Variants in KLRG1 observed in about 807,000 individuals in gnomAD.
KLRG1 encodes the protein killer cell lectin like receptor G1.
Under a neutral mutation model 21.8 loss-of-function variants are expected in KLRG1, and 16 were observed. The ratio of observed to expected loss-of-function variants is 0.73; its 90% CI spans 0.50 to 1.11. The LOEUF is 1.11. KLRG1 is among the 50% of genes most tolerant of loss of function. The pLI, the probability that KLRG1 is intolerant of heterozygous loss-of-function variation, is 0.00. For synonymous variants in KLRG1, 69 were observed against 75.9 expected, an observed-to-expected ratio of 0.91 and a Z score of 0.47; for missense variants, 173 against 218.3, an observed-to-expected ratio of 0.79 and a Z score of 1.31.
At chr12:9,201,443 A>G in the KLRG1 span, 1 of 917,166 alleles carries the variant, frequency 1.1e-6, no homozygotes, top group Non-Finnish European at 1.7e-6. Flanking sequence ...GAAGAATATT[A>G]TCTGTAGCTA....
chr12:9,090,162 A>G, the KLRG1 span: 1 of 1,374,202 alleles, frequency 7.3e-7, no homozygotes. Flanking sequence ...CATGCAAATG[A>G]GAGGTGAATG....
chr12:9,189,068 T>C, the KLRG1 span, among the ~76,000 whole-genome samples: 3 of 152,298 alleles, frequency 2.0e-5, no homozygotes, highest in South Asian at 2.1e-4. Context: ...AATGGTCATA[T>C]TGCCCAAAGC....
At chr12:9,109,582 A>G in the KLRG1 span, among the ~76,000 whole-genome samples, 2 of 152,226 alleles carry the variant, frequency 1.3e-5, no homozygotes, top group African/African-American at 2.4e-5. Context: ...TTGAGGGACT[A>G]TGAGAGATCA....
At chr12:9,073,977 A>G in the KLRG1 span, among the ~76,000 whole-genome samples, 4 of 151,868 alleles carry the variant, frequency 2.6e-5, no homozygotes, top group Non-Finnish European at 5.9e-5. Context: ...AATCCTAGAT[A>G]CTTGGGAGGC....
chr12:8,963,595 T>C lies in KLRG1; in HGVS notation c.-156+13359T>C, dbSNP rs527280856. Reference sequence around the variant, plus strand: ...CCTCTTTTTCTGTTGATTGGAATAGTTTCAGAAGGAATGGTACCCAGCTCC... The same window carrying C: ...CCTCTTTTTCTGTTGATTGGAATAGCTTCAGAAGGAATGGTACCCAGCTCC... On this transcript the variant is annotated intron_variant, in intron 1 of 4. Coordinates refer to the KLRG1 transcript ENST00000539240. 2.6e-3 allele frequency among the ~76,000 whole-genome samples: 390 copies of C among 152,334 alleles called. 2 individuals are homozygous for C. The highest frequency in any genetic ancestry group is 4.5e-3 in the Non-Finnish European group (308 of 68,024).
At chr12:9,157,457 C>T in the KLRG1 span, 1 of 1,100,806 alleles carries the variant, frequency 9.1e-7, no homozygotes, top group Non-Finnish European at 1.3e-6. Context: ...AGATTTCAGA[C>T]AGATAGGCAG....
chr12:8,974,903 C>CTTTT (rs112783184), intron 1 of KLRG1, among the ~76,000 whole-genome samples: 1 of 148,184 alleles, frequency 6.7e-6, no homozygotes, highest in Non-Finnish European at 1.5e-5. Context: ...TCTTCTTCTT[C>CTTTT]TTCTTTTTTT....
At chr12:9,052,051 GA>G in the KLRG1 span, among the ~76,000 whole-genome samples, 1 of 152,198 alleles carries the variant, frequency 6.6e-6, no homozygotes, top group Non-Finnish European at 1.5e-5. Flanking sequence ...GCTCTCTTGT[GA>G]TTGAGATTTA....
intron 1 of KLRG1, among the ~76,000 whole-genome samples, chr12:8,979,079 A>T (rs1017919010): frequency 5.5e-5 from 8 of 144,390 alleles, no homozygotes; most frequent in African/African-American, 1.3e-4. Context: ...CAATGGTGCA[A>T]TGTCAGCTCA....
At chr12:9,054,269 G>C in the KLRG1 span, among the ~76,000 whole-genome samples, 1 of 152,126 alleles carries the variant, frequency 6.6e-6, no homozygotes, top group East Asian at 1.9e-4. Flanking sequence ...TCTTCATTTA[G>C]AAGTTTGGTG....
chr12:9,115,788 G>A, the KLRG1 span: 1 of 1,613,392 alleles, frequency 6.2e-7, no homozygotes, highest in African/African-American at 1.3e-5. Context: ...TGAGGCGTCT[G>A]TGGGCAGGAG....
chr12:9,037,386 C>T, the KLRG1 span: 6 of 152,186 alleles, frequency 3.9e-5, no homozygotes, highest in Non-Finnish European at 2.9e-5. Flanking sequence ...AACAGCTACT[C>T]GTTAGCTGGT....
chr12:9,033,065 C>G, the KLRG1 span, among the ~76,000 whole-genome samples: 1 of 152,126 alleles, frequency 6.6e-6, no homozygotes, highest in African/African-American at 2.4e-5. Flanking sequence ...TTGATTTTGC[C>G]TGTGCAGAGG....
the KLRG1 span, among the ~76,000 whole-genome samples, chr12:9,081,308 A>G: frequency 1.3e-5 from 2 of 152,248 alleles, no homozygotes; most frequent in Non-Finnish European, 1.5e-5. Flanking sequence ...GGCAAAAATT[A>G]AAATTAAAAA....
At chr12:9,209,597 C>G in the KLRG1 span, among the ~76,000 whole-genome samples, 3 of 151,932 alleles carry the variant, frequency 2.0e-5, no homozygotes, top group Non-Finnish European at 1.5e-5. Flanking sequence ...TGTCTAGAAG[C>G]TTTTCCAGTT....
the KLRG1 span, chr12:9,109,264 A>G: frequency 7.0e-7 from 1 of 1,418,480 alleles, no homozygotes. Flanking sequence ...AAATATCCCA[A>G]ATGGTGAGTC....
At chr12:8,995,056 C>G (rs747181802) in intron 2 of KLRG1, 63 bp from the exon 3 acceptor site, 334 of 1,434,740 alleles carry the variant, frequency 2.3e-4, no homozygotes, top group Non-Finnish European at 2.9e-4. Flanking sequence ...CATTTTATCT[C>G]CCATTTCATT....
At chr12:9,094,247 A>G in the KLRG1 span, among the ~76,000 whole-genome samples, 3 of 151,030 alleles carry the variant, frequency 2.0e-5, no homozygotes, top group African/African-American at 7.3e-5. Context: ...TCGTGTCAGA[A>G]GATTACAGTT....
the KLRG1 span, among the ~76,000 whole-genome samples, chr12:9,020,104 T>C: frequency 6.6e-6 from 1 of 150,982 alleles, no homozygotes; most frequent in African/African-American, 2.4e-5. Context: ...ATTTTAGGGA[T>C]GGGGTCTTGC....
Sources: allele counts gnomAD v4.1 joint callset (sites outside exome capture counted in the v4.1 genomes callset), GRCh38; gene constraint gnomAD v4.1.1; transcripts MANE v1.5; gene names NCBI Gene and HGNC (gene_info 2026-07-23, HGNC 2026-07-21).